The following MAGI2 variants were observed in gnomAD, a reference collection of about 807,000 sequenced individuals.
MAGI2 encodes the protein membrane-associated guanylate kinase, WW and PDZ domain-containing protein 2.
In MAGI2, 35 loss-of-function variants were observed where a neutral mutation model predicts 133.3. The ratio of observed to expected loss-of-function variants is 0.26; its 90% CI spans 0.20 to 0.35. The LOEUF (loss-of-function observed/expected upper bound fraction) is 0.35, where lower values mean the gene tolerates loss of function less well. Ranked by LOEUF, MAGI2 falls within the 10% of genes least tolerant of loss-of-function variation. The pLI, the probability that MAGI2 is intolerant of heterozygous loss-of-function variation, is 1.00. For missense variants in MAGI2, 1,636 were observed against 1,863.4 expected, an observed-to-expected ratio of 0.88 and a Z score of 2.25; for synonymous variants, 729 against 710.6, an observed-to-expected ratio of 1.03 and a Z score of -0.41.
At chr7:78,792,710 C>A in intron 2 of MAGI2, among the ~76,000 whole-genome samples, 1 of 152,024 alleles carries the variant, frequency 6.6e-6, no homozygotes, top group East Asian at 1.9e-4. Flanking sequence ...CTGTGGATTG[C>A]ACAAGTGTAA....
rs140211592 is a variant in MAGI2, at chr7:78,903,690, A to G, written c.418+103400T>C. Among the ~76,000 whole-genome samples the G allele has an allele frequency of 4.8e-3, 736 of 152,260 alleles. 5 individuals carry two copies. Among genetic ancestry groups the G allele is most frequent in the African/African-American group, 0.017 (693 of 41,542 alleles). On this transcript the variant is annotated intron_variant, in intron 2 of 21. Coordinates refer to ENST00000354212, the MANE Select transcript of MAGI2 (RefSeq NM_012301.4). ...ATGTCCCTGACATACATTTTGACAT[A>G]CAGAATTTTTTTACCACCTCTCTTT...
chr7:79,025,987 C>T (rs1329837207), intron 1 of MAGI2, among the ~76,000 whole-genome samples: 1 of 152,086 alleles, frequency 6.6e-6, no homozygotes, highest in Non-Finnish European at 1.5e-5. Context: ...TAGCATCTTC[C>T]AACTAGTGTT....
At chr7:78,461,946 A>AAAAAAAAAAAAAAAAAAAAAAC (rs1790097125) in intron 6 of MAGI2, among the ~76,000 whole-genome samples, 1 of 122,238 alleles carries the variant, frequency 8.2e-6, no homozygotes, top group Non-Finnish European at 1.8e-5. Flanking sequence ...AAAAAAAAAA[A>AAAAAAAAAAAAAAAAAAAAAAC]AGAAAGAAAG....
chr7:78,752,830 T>G (rs115203799), intron 2 of MAGI2, among the ~76,000 whole-genome samples: 34 of 152,322 alleles, frequency 2.2e-4, no homozygotes, highest in African/African-American at 7.7e-4. Context: ...CCTCAAATTC[T>G]GCATTTAAAT....
intron 1 of MAGI2, among the ~76,000 whole-genome samples, chr7:79,175,042 C>T (rs1825971512): frequency 6.6e-6 from 1 of 151,718 alleles, no homozygotes; most frequent in Non-Finnish European, 1.5e-5. Flanking sequence ...CACCATAGTT[C>T]AGCTATTGAT....
At chr7:78,473,229 T>C (rs1247175544) in intron 6 of MAGI2, among the ~76,000 whole-genome samples, 1 of 152,018 alleles carries the variant, frequency 6.6e-6, no homozygotes, top group Non-Finnish European at 1.5e-5. Context: ...TCCCATTACT[T>C]AGCTATTTTT....
intron 2 of MAGI2, among the ~76,000 whole-genome samples, chr7:78,787,234 T>C (rs561575423): frequency 2.0e-5 from 3 of 152,190 alleles, no homozygotes; most frequent in East Asian, 3.9e-4. Flanking sequence ...GCGTGAGCCA[T>C]TGCGCCTGGC....
chr7:79,264,136 T>C (rs1283312846), intron 1 of MAGI2, among the ~76,000 whole-genome samples: 1 of 152,188 alleles, frequency 6.6e-6, no homozygotes, highest in Non-Finnish European at 1.5e-5. Flanking sequence ...GTGTGCATTT[T>C]ATACCTACAG....
At chr7:79,312,240 A>G (rs548711995) in intron 1 of MAGI2, among the ~76,000 whole-genome samples, 2 of 152,322 alleles carry the variant, frequency 1.3e-5, no homozygotes, top group South Asian at 2.1e-4. Context: ...TCAGGACACA[A>G]GTTAAGACAA....
chr7:78,032,007 C>G (rs973634312), intron 21 of MAGI2, among the ~76,000 whole-genome samples: 4 of 98,038 alleles, frequency 4.1e-5, no homozygotes, highest in East Asian at 3.0e-4. Context: ...AAAGCCCCCC[C>G]ACTTTTTTTT....
intron 9 of MAGI2, among the ~76,000 whole-genome samples, chr7:78,278,488 A>G (rs1423762432): frequency 6.6e-6 from 1 of 152,186 alleles, no homozygotes; most frequent in African/African-American, 2.4e-5. Context: ...ACTCAAATAT[A>G]GATGTGGAAG....
intron 1 of MAGI2, among the ~76,000 whole-genome samples, chr7:79,333,319 G>T (rs886277257): frequency 1.3e-5 from 2 of 151,872 alleles, no homozygotes; most frequent in African/African-American, 4.8e-5. Flanking sequence ...GTACAGACAG[G>T]GTTTCACCAT....
chr7:78,913,845 A>G (rs1473448687), intron 2 of MAGI2, among the ~76,000 whole-genome samples: 1 of 152,186 alleles, frequency 6.6e-6, no homozygotes, highest in Non-Finnish European at 1.5e-5. Context: ...AAAGTGCAAT[A>G]TGCATTATGC....
intron 1 of MAGI2, among the ~76,000 whole-genome samples, chr7:79,443,484 G>T (rs759546603): frequency 1.4e-4 from 22 of 152,034 alleles, no homozygotes; most frequent in Admixed American, 2.6e-4. Flanking sequence ...GAAACTTATT[G>T]GTGTTTACAA....
chr7:78,493,552 A>G (rs1434965474), intron 5 of MAGI2, among the ~76,000 whole-genome samples: 1 of 152,166 alleles, frequency 6.6e-6, no homozygotes, highest in Non-Finnish European at 1.5e-5. Flanking sequence ...AACTTGCCCA[A>G]GGCTAAACAG....
At chr7:79,132,442 T>C (rs981297552) in intron 1 of MAGI2, among the ~76,000 whole-genome samples, 1 of 152,142 alleles carries the variant, frequency 6.6e-6, no homozygotes, top group African/African-American at 2.4e-5. Flanking sequence ...GGCCTCCAGA[T>C]CCATCCAAGA....
intron 21 of MAGI2, among the ~76,000 whole-genome samples, chr7:78,074,715 T>C (rs1242496101): frequency 6.6e-6 from 1 of 152,224 alleles, no homozygotes; most frequent in East Asian, 1.9e-4. Context: ...AAAAGAATTC[T>C]TTTTTTAAAT....
At chr7:78,215,563 A>T (rs1788186853) in intron 10 of MAGI2, among the ~76,000 whole-genome samples, 1 of 152,176 alleles carries the variant, frequency 6.6e-6, no homozygotes, top group African/African-American at 2.4e-5. Context: ...TTTGGGAAGA[A>T]GGGATTTACA....
intron 3 of MAGI2, among the ~76,000 whole-genome samples, chr7:78,527,430 T>G (rs1034375517): frequency 2.0e-5 from 3 of 152,226 alleles, no homozygotes; most frequent in Non-Finnish European, 2.9e-5. Flanking sequence ...TCCTCTCAGA[T>G]TTTTTCACAT....
Sources: allele counts gnomAD v4.1 joint callset (sites outside exome capture counted in the v4.1 genomes callset), GRCh38; gene constraint gnomAD v4.1.1; transcripts MANE v1.5; gene names NCBI Gene and HGNC (gene_info 2026-07-23, HGNC 2026-07-21).